EPHA2: variants seen among roughly 807,000 people sequenced by gnomAD.
The protein encoded by EPHA2 is ephrin type-A receptor 2.
Under a neutral mutation model 104.9 loss-of-function variants are expected in EPHA2, and 54 were observed. The ratio of observed to expected loss-of-function variants is 0.51; its 90% CI spans 0.41 to 0.65. EPHA2 has a LOEUF of 0.65. EPHA2 is among the 30% of genes least tolerant of loss of function. The pLI is 0.00. For missense variants in EPHA2, 1,117 were observed against 1,369.5 expected (o/e 0.82, Z 2.91); for synonymous variants, 560 against 559.1 (o/e 1.00, Z -0.02).
chr1:16,135,919 CGAGTGCAGTGGCAT>C lies in EPHA2; in HGVS notation c.1313-163_1313-150del, dbSNP rs2024676108. 1.6e-6 allele frequency: 1 copy of C among 607,516 alleles called. No individual in the cohort carries two copies. 37.6% of individuals were successfully genotyped at this position (607,516 alleles called of 1,614,324 possible). A position where few individuals can be genotyped will look rare whatever the true frequency, so the allele number is the denominator to read the frequency against. On this transcript the variant is annotated intron_variant, in intron 5 of 16. Transcript: ENST00000358432. This position sits in a 1 kb window ranked among gnomAD's most constrained non-coding sequence, Gnocchi z 4.3. ...AGGATCTCGCTCTCTCACCCAGGCT[CGAGTGCAGTGGCAT>C]GATCTCGGCCCACTACAGCTTTGAA... is the stretch of plus-strand genomic sequence containing the variant.
Position 16,135,785 on chromosome 1 carries a change from C to A in EPHA2, c.1313-15G>T. On this transcript the variant is annotated splice_polypyrimidine_tract_variant and intron_variant, in intron 5 of 16. Coordinates refer to ENST00000358432, the MANE Select transcript of EPHA2 (RefSeq NM_004431.5). The surrounding 1 kb of genome is among the most constrained non-coding windows in gnomAD (Gnocchi z 4.3). ...CTTGGGGGGCTCTGGGCAGGACAGG[C>A]AGTGGGGGAAGTGGGTAAGAAGCTG... 6.6e-7 allele frequency: 1 copy of A among 1,508,146 alleles called. No homozygotes were observed. Among genetic ancestry groups the A allele is most frequent in the Non-Finnish European group, 9.2e-7 (1 of 1,086,862 alleles). 93.4% of individuals were successfully genotyped at this position (1,508,146 alleles called of 1,614,324 possible). A position where few individuals can be genotyped will look rare whatever the true frequency, so the allele number is the denominator to read the frequency against.
In EPHA2 at chr1:16,133,078, G is replaced by A. The variant is rs2024609496; in HGVS notation, c.2053+102C>T. 2.0e-6 allele frequency: 3 copies of A among 1,501,858 alleles called. No homozygotes were observed. The South Asian group carries it at 3.5e-5, about 18-fold the overall frequency. 93.0% of individuals were successfully genotyped at this position (1,501,858 alleles called of 1,614,324 possible). A position where few individuals can be genotyped will look rare whatever the true frequency, so the allele number is the denominator to read the frequency against. ...GTAGAGGAGGTGGGTGCAGGTGTGG[G>A]GGGAAGGTGGGCACAGGTATAGGGG... On this transcript the variant is annotated intron_variant, in intron 11 of 16. Transcript: ENST00000358432.
rs749092028 is a variant in EPHA2 at position 16,129,517 on chromosome 1, C to T, written c.2742G>A (p.Glu914=). The T allele has an allele frequency of 1.2e-6, 2 of 1,613,676 alleles. No homozygotes were observed. The highest frequency in any genetic ancestry group is 1.7e-6 in the Non-Finnish European group (2 of 1,180,006). Residue 914 remains glutamate, a synonymous_variant, in exon 16 of 17, where the codon GAG becomes GAA. Coordinates refer to ENST00000358432, the MANE Select transcript of EPHA2 (RefSeq NM_004431.5). ...CCGTATACTGCTGCATCTTGATGGA[C>T]TCCAGCCACTCGGACACCGTGCGGA... ...VPFRTVSEWL[E]SIKMQQYTEH...
rs780312721 is a variant in EPHA2 at position 16,133,580 on chromosome 1, C to G, written c.1765G>C (p.Val589Leu). Reference sequence around the variant, plus strand: ...GGGTCCTCATATGTGTGGGGGTCCACGTATGTCTTCAGGGGCTTCAGTTGT... The same window carrying G: ...GGGTCCTCATATGTGTGGGGGTCCAGGTATGTCTTCAGGGGCTTCAGTTGT... Reference protein sequence around the residue: ...SEQLKPLKTYVDPHTYEDPNQ... With the variant: ...SEQLKPLKTYLDPHTYEDPNQ... Residue 589 changes from valine (V) to leucine (L), a missense_variant, in exon 10 of 17, where the codon GTG (valine) becomes CTG (leucine). Around this residue, in one of 3 missense-constraint regions of EPHA2, gnomAD observed 113 missense variants for 104.3 expected, o/e 1.08. Transcript: ENST00000358432. The G allele has an allele frequency of 6.2e-7, 1 of 1,614,034 alleles. No homozygotes were observed.
intron 3 of EPHA2, among the ~76,000 whole-genome samples, chr1:16,147,505 G>A (rs762970303): frequency 6.6e-6 from 1 of 152,026 alleles, no homozygotes; most frequent in Non-Finnish European, 1.5e-5. Context: ...GCCACATAGT[G>A]AGCTGATAAC....
At chr1:16,141,864 G>T (rs2024830704) in intron 3 of EPHA2, among the ~76,000 whole-genome samples, 1 of 152,234 alleles carries the variant, frequency 6.6e-6, no homozygotes, top group Non-Finnish European at 1.5e-5. Context: ...AACAGGGCAT[G>T]TGCCTGCCTG....
rs776638644 is a variant in EPHA2 at position 16,135,670 on chromosome 1, G to C, written c.1413C>G (p.Val471=). ...TGGGAGTTACCTTCTTGCGGTAAGT[G>C]ACCTCGTACTTCCACACTCGGCTCT... ...PQQSRVWKYE[V]TYRKKGDSNS... is the part of the protein sequence containing the mutation. The change falls in exon 6 of 17, where the codon GTC becomes GTG. Residue 471 remains valine (V), a synonymous_variant. Coordinates refer to ENST00000358432, the MANE Select transcript of EPHA2 (RefSeq NM_004431.5). The surrounding 1 kb of genome is among the most constrained non-coding windows in gnomAD (Gnocchi z 4.3). 4 of 1,613,960 alleles carry C rather than the reference G, an allele frequency of 2.5e-6. 1 individual carries two copies. The South Asian group carries it at 4.4e-5, about 18-fold the overall frequency.
intron 3 of EPHA2, among the ~76,000 whole-genome samples, chr1:16,143,775 C>A (rs2024872599): frequency 1.3e-5 from 2 of 152,158 alleles, no homozygotes; most frequent in African/African-American, 4.8e-5. Context: ...ACCACCTTGG[C>A]CCAGGGATGT....
At chr1:16,138,548 T>C in intron 3 of EPHA2, 118 bp from the exon 4 acceptor site, 2 of 1,441,274 alleles carry the variant, frequency 1.4e-6, no homozygotes, top group Admixed American at 1.8e-5. Flanking sequence ...AGTAAATCTC[T>C]ATGGACCTGT....
At chr1:16,145,886 C>A (rs1446663217) in intron 3 of EPHA2, among the ~76,000 whole-genome samples, 1 of 152,238 alleles carries the variant, frequency 6.6e-6, no homozygotes, top group Non-Finnish European at 1.5e-5. Context: ...CTCTTTAGCT[C>A]TCTGAACCTC....
chr1:16,125,099 G>A lies in EPHA2; in HGVS notation c.*116C>T. 1 of 963,958 alleles carries A rather than the reference G, an allele frequency of 1.0e-6. No individual in the cohort carries two copies. Among genetic ancestry groups the A allele is most frequent in the Non-Finnish European group, 1.6e-6 (1 of 613,116 alleles). The allele number at this position is 963,958 out of a possible 1,614,324, so 59.7% of individuals were successfully genotyped here. A position where few individuals can be genotyped will look rare whatever the true frequency, so the allele number is the denominator to read the frequency against. ...GAGACCCCTCAGCGGAAGTTGCAGG[G>A]GGAGGAAAGAACTAGAAATAAATAA... On this transcript the variant is annotated 3_prime_UTR_variant, in exon 17 of 17. Transcript: ENST00000358432. The surrounding 1 kb of genome is among the most constrained non-coding windows in gnomAD (Gnocchi z 4.9).
Position 16,135,283 on chromosome 1 carries a change from G to C in EPHA2, c.1429-94C>G. The stretch of plus-strand genomic sequence containing the variant: ...GAGACCACCCCAAGCTAGCAAGGTG[G>C]CTTGCCTTTGTTAGCAAACTTGAGG... On this transcript the variant is annotated intron_variant, in intron 6 of 16. Coordinates refer to ENST00000358432, the MANE Select transcript of EPHA2 (RefSeq NM_004431.5). This position sits in a 1 kb window ranked among gnomAD's most constrained non-coding sequence, Gnocchi z 4.3. The C allele has an allele frequency of 2.6e-6, 4 of 1,545,536 alleles. No homozygotes were observed. Among genetic ancestry groups the C allele is most frequent in the Non-Finnish European group, 3.5e-6 (4 of 1,128,370 alleles).
rs1307224585 is a variant in EPHA2, at chr1:16,149,018, G to A, written c.183C>T (p.Asp61=). 1.2e-6 allele frequency: 2 copies of A among 1,613,804 alleles called. No individual in the cohort carries two copies. Among genetic ancestry groups the A allele is most frequent in the Non-Finnish European group, 1.7e-6 (2 of 1,180,044 alleles). The change falls in exon 3 of 17, where the codon GAC becomes GAT. Residue 61 remains aspartate (D), a synonymous_variant. Transcript: ENST00000358432. Reference sequence around the variant, plus strand: ...ACACGGAGTACATGTAGATCGGCATGTCATTCATGATGTTCTGCATCAGGT... The same window carrying A: ...ACACGGAGTACATGTAGATCGGCATATCATTCATGATGTTCTGCATCAGGT... ...GWDLMQNIMN[D]MPIYMYSVCN...
At chr1:16,139,577 G>A (rs970725452) in intron 3 of EPHA2, among the ~76,000 whole-genome samples, 4 of 152,222 alleles carry the variant, frequency 2.6e-5, no homozygotes, top group Non-Finnish European at 4.4e-5. Context: ...AACAGCTAAG[G>A]GGGTGGAGAA....
intron 11 of EPHA2, among the ~76,000 whole-genome samples, chr1:16,132,675 A>G (rs143440993): frequency 2.8e-3 from 376 of 133,698 alleles, no homozygotes; most frequent in Non-Finnish European, 4.7e-3. Flanking sequence ...ATTGGGGAGG[A>G]GGGCACAGGT....
chr1:16,152,201 G>A (rs1025849224), intron 1 of EPHA2, among the ~76,000 whole-genome samples: 1 of 152,182 alleles, frequency 6.6e-6, no homozygotes, highest in Non-Finnish European at 1.5e-5. Flanking sequence ...ATTCCTCAAG[G>A]CCAGGACCGG....
intron 4 of EPHA2, 21 bp from the exon 5 acceptor site, chr1:16,138,206 A>G: frequency 6.2e-7 from 1 of 1,611,424 alleles, no homozygotes; most frequent in East Asian, 2.2e-5. Flanking sequence ...AGGAGGAGTC[A>G]GTGCTGTGCT....
rs565196739 is a variant in EPHA2 at position 16,138,930 on chromosome 1, C to T, written c.824-500G>A. On this transcript the variant is annotated intron_variant, in intron 3 of 16. Coordinates refer to ENST00000358432, the MANE Select transcript of EPHA2 (RefSeq NM_004431.5). ...GTCACCACCACCCTGACTCACTGGC[C>T]AGCCTCATCAGTTCAGGATGCCATC... Among the ~76,000 whole-genome samples the T allele has an allele frequency of 7.7e-4, 117 of 152,362 alleles. No individual in the cohort carries two copies. The South Asian group carries it at 0.017, about 22-fold the overall frequency.
At chr1:16,149,835 T>A (rs543600572) in intron 2 of EPHA2, among the ~76,000 whole-genome samples, 1 of 152,206 alleles carries the variant, frequency 6.6e-6, no homozygotes, top group African/African-American at 2.4e-5. Flanking sequence ...CTAATTCACC[T>A]GTGTCCTGTG....
Sources: gnomAD v4.1 joint callset for allele counts (sites outside exome capture counted in the v4.1 genomes callset) on GRCh38, gnomAD v4.1.1 for gene constraint, gnomAD v4.1.1 regional missense constraint, Gnocchi (gnomAD v3.1) non-coding constraint, MANE v1.5 for transcripts, NCBI Gene and HGNC (gene_info 2026-07-23, HGNC 2026-07-21) for gene names.